GET1: variants seen among roughly 807,000 people sequenced by gnomAD.
The protein encoded by GET1 is congenital heart disease 5 protein.
GET1 carries 20 observed loss-of-function variants against 22.6 expected under a neutral mutation model. That is an observed-to-expected ratio of 0.89 (90% CI 0.62 to 1.29). The LOEUF (loss-of-function observed/expected upper bound fraction) is 1.29. GET1 is among the 50% of genes most tolerant of loss of function. The pLI, the probability that GET1 is intolerant of heterozygous loss-of-function variation, is 0.00. For synonymous variants in GET1, 92 were observed against 83.8 expected, an observed-to-expected ratio of 1.10 and a Z score of -0.53; for missense variants, 209 against 219.9, an observed-to-expected ratio of 0.95 and a Z score of 0.31.
intron 1 of GET1, among the ~76,000 whole-genome samples, chr21:39,389,085 T>G (rs2038123991): frequency 6.6e-6 from 1 of 152,008 alleles, no homozygotes; most frequent in African/African-American, 2.4e-5. Context: ...CCTTCCTCCC[T>G]CCCTTCCTCC....
chr21:39,384,909 T>G (rs1444674117), intron 1 of GET1, among the ~76,000 whole-genome samples: 2 of 152,068 alleles, frequency 1.3e-5, no homozygotes, highest in African/African-American at 2.4e-5. Flanking sequence ...TTAGCCAGGT[T>G]CAGAAGGATA....
At chr21:39,428,345 TC>T (rs1332454539) in exon 2 of GET1, 1 of 1,613,516 alleles carries the variant, frequency 6.2e-7, no homozygotes, top group East Asian at 2.2e-5. Flanking sequence ...TCTGCTATAA[TC>T]AACACTCTTA....
At chr21:39,420,905 A>G in intron 1 of GET1, 1 of 1,275,560 alleles carries the variant, frequency 7.8e-7, no homozygotes, top group Non-Finnish European at 1.1e-6. Context: ...AACTTCAATT[A>G]TCATGGAACT....
rs780628533 is a variant in GET1, at chr21:39,390,691, C to G, written c.103-7C>G. 1.1e-5 allele frequency: 17 copies of G among 1,613,850 alleles called. No homozygotes were observed. In the African/African-American group the frequency reaches 2.1e-4, roughly 20 times the overall value. On this transcript the variant is annotated splice_polypyrimidine_tract_variant and splice_region_variant and intron_variant, in intron 1 of 4. Transcript: ENST00000649170. ...AAGGTGCTGATCCCCGTTGTCCGCCCTGCCAGATGTCCAGGGTGCTGCAGA... is the reference window on the plus strand; with the variant it reads ...AAGGTGCTGATCCCCGTTGTCCGCCGTGCCAGATGTCCAGGGTGCTGCAGA...
chr21:39,427,816 A>G (rs2075033016), intron 1 of GET1: 1 of 161,970 alleles, frequency 6.2e-6, no homozygotes, highest in Non-Finnish European at 1.3e-5. Flanking sequence ...TTCACTGGCA[A>G]TTCAAACACT....
intron 4 of GET1, among the ~76,000 whole-genome samples, chr21:39,403,378 G>C (rs1228903174): frequency 2.6e-5 from 4 of 152,264 alleles, no homozygotes; most frequent in South Asian, 2.1e-4. Context: ...CCAGGCTGGA[G>C]TGCAGTGGTG....
At chr21:39,389,456 C>G (rs1466353220) in intron 1 of GET1, among the ~76,000 whole-genome samples, 3 of 152,148 alleles carry the variant, frequency 2.0e-5, no homozygotes, top group Admixed American at 2.0e-4. Flanking sequence ...AGGCATCTTT[C>G]TAAGTGTCTT....
intron 1 of GET1, among the ~76,000 whole-genome samples, chr21:39,389,824 C>T (rs1425497633): frequency 6.6e-6 from 1 of 152,162 alleles, no homozygotes; most frequent in Admixed American, 6.5e-5. Context: ...TGCACCTGCA[C>T]CTTGCTCTGC....
chr21:39,406,922 A>G (rs182246323), downstream of GET1, among the ~76,000 whole-genome samples: 16 of 152,318 alleles, frequency 1.1e-4, no homozygotes, highest in African/African-American at 3.6e-4. Context: ...CTAACTGGAC[A>G]TACTGCCAGT....
chr21:39,401,836 T>C (rs1167051451), downstream of GET1, among the ~76,000 whole-genome samples: 2 of 152,224 alleles, frequency 1.3e-5, no homozygotes, highest in African/African-American at 4.8e-5. Flanking sequence ...TGATCTTTGA[T>C]GTTACTACTG....
chr21:39,406,508 T>G (rs1194864540), exon 5 of GET1: 1 of 1,613,534 alleles, frequency 6.2e-7, no homozygotes, highest in Non-Finnish European at 8.5e-7. Context: ...TGCTCTTCTT[T>G]CACAAAAATG....
In GET1 at chr21:39,428,086, A is replaced by G. The variant is rs144320632; in HGVS notation, c.*24-146A>G. The G allele has an allele frequency of 2.7e-5, 20 of 740,292 alleles. No individual in the cohort carries two copies. In the East Asian group the frequency reaches 4.5e-4, roughly 17 times the overall value. The allele number at this position is 740,292 out of a possible 1,614,324, so 45.9% of individuals were successfully genotyped here. A position where few individuals can be genotyped will look rare whatever the true frequency, so the allele number is the denominator to read the frequency against. On this transcript the variant is annotated intron_variant, in intron 1 of 1. Transcript: ENST00000478273. ...ACAATATGGGAAAACAATAAAACTGAGTATGAACCACTTCAAACACTAGTG... is the reference window on the plus strand; with the variant it reads ...ACAATATGGGAAAACAATAAAACTGGGTATGAACCACTTCAAACACTAGTG...
downstream of GET1, chr21:39,406,833 T>G (rs530823480): frequency 8.8e-6 from 4 of 454,270 alleles, no homozygotes; most frequent in South Asian, 9.0e-5. Flanking sequence ...ATGGGAATTA[T>G]GAAACCAAAA....
chr21:39,410,111 A>G, downstream of GET1: 1 of 1,557,470 alleles, frequency 6.4e-7, no homozygotes, highest in Non-Finnish European at 8.8e-7. Context: ...AATTTAGAAA[A>G]GCAGCAAAAA....
At chr21:39,393,941 T>C (rs541819405) in intron 4 of GET1, among the ~76,000 whole-genome samples, 27 of 151,702 alleles carry the variant, frequency 1.8e-4, no homozygotes, top group Non-Finnish European at 2.9e-4. Context: ...TGAACCACTA[T>C]GCCCAGCCAC....
chr21:39,413,375 A>C (rs550589041), intron 1 of GET1, among the ~76,000 whole-genome samples: 1 of 152,222 alleles, frequency 6.6e-6, no homozygotes, highest in South Asian at 2.1e-4. Context: ...AGACTGAGAC[A>C]AGCTTTTATC....
intron 4 of GET1, among the ~76,000 whole-genome samples, chr21:39,395,331 T>C (rs1296073094): frequency 6.6e-6 from 1 of 151,992 alleles, no homozygotes; most frequent in Non-Finnish European, 1.5e-5. Context: ...GATTTGTGAT[T>C]ATGTTAGAGG....
intron 1 of GET1, among the ~76,000 whole-genome samples, chr21:39,420,189 T>C (rs1487707133): frequency 2.0e-5 from 3 of 152,114 alleles, no homozygotes; most frequent in Non-Finnish European, 4.4e-5. Flanking sequence ...TCTGTTCATA[T>C]GATTGTAGAG....
At chr21:39,396,395 G>A (rs1474084299) in intron 4 of GET1, among the ~76,000 whole-genome samples, 1 of 152,160 alleles carries the variant, frequency 6.6e-6, no homozygotes, top group Non-Finnish European at 1.5e-5. Flanking sequence ...GGGTGCGGTG[G>A]CGGGCGCCTG....
Sources: allele counts gnomAD v4.1 joint callset (sites outside exome capture counted in the v4.1 genomes callset), GRCh38; gene constraint gnomAD v4.1.1; transcripts MANE v1.5; gene names NCBI Gene and HGNC (gene_info 2026-07-23, HGNC 2026-07-21).